ANO1: variants seen among roughly 807,000 people sequenced by gnomAD.
The protein encoded by ANO1 is anoctamin-1.
Under a neutral mutation model 124.0 loss-of-function variants are expected in ANO1, and 59 were observed. The observed-to-expected ratio is 0.48, with a 90% CI of 0.39 to 0.59. ANO1 has a LOEUF of 0.59. Ranked by LOEUF, ANO1 falls within the 20% of genes least tolerant of loss-of-function variation. The pLI is 0.00. For synonymous variants in ANO1, 529 were observed against 532.0 expected (o/e 0.99, Z 0.08); for missense variants, 1,059 against 1,328.0 (o/e 0.80, Z 3.15).
chr11:70,044,105 G>A (rs532996677), intron 1 of ANO1, among the ~76,000 whole-genome samples: 1 of 151,652 alleles, frequency 6.6e-6, no homozygotes, highest in African/African-American at 2.4e-5. Context: ...TATGTGAAGG[G>A]GTATAATATT....
At chr11:69,992,308 G>C (rs1307430487) in intron 1 of ANO1, among the ~76,000 whole-genome samples, 3 of 152,174 alleles carry the variant, frequency 2.0e-5, no homozygotes, top group Non-Finnish European at 2.9e-5. Flanking sequence ...TGGATGGATG[G>C]ATGGTAATTG....
intron 1 of ANO1, among the ~76,000 whole-genome samples, chr11:70,026,363 G>A (rs533686288): frequency 0.019 from 2,841 of 150,414 alleles, 106 homozygotes; most frequent in African/African-American, 0.066. Context: ...GGTGATGGTG[G>A]TGGTGGTGAT....
intron 1 of ANO1, among the ~76,000 whole-genome samples, chr11:70,033,571 G>A (rs1305499087): frequency 2.6e-5 from 4 of 152,118 alleles, no homozygotes; most frequent in African/African-American, 9.7e-5. Context: ...TCTCCCTGTG[G>A]CCTTATGGTT....
intron 12 of ANO1, 23 bp downstream of exon 12, chr11:70,149,815 A>G: frequency 6.2e-7 from 1 of 1,611,094 alleles, no homozygotes; most frequent in Admixed American, 1.7e-5. Context: ...GCCGCCGTGC[A>G]TATCACGCCC....
intron 1 of ANO1, among the ~76,000 whole-genome samples, chr11:70,066,345 C>G (rs1435092146): frequency 6.6e-6 from 1 of 152,116 alleles, no homozygotes; most frequent in African/African-American, 2.4e-5. Flanking sequence ...GTTTGGGGCC[C>G]ACTCTTAACA....
chr11:70,113,647 A>C (rs2135418236), intron 7 of ANO1, among the ~76,000 whole-genome samples: 1 of 152,206 alleles, frequency 6.6e-6, no homozygotes, highest in Middle Eastern at 3.4e-3. Flanking sequence ...TAAGCAGGTA[A>C]TCCCTGCTGA....
chr11:70,024,447 T>C (rs1222428741), intron 1 of ANO1, among the ~76,000 whole-genome samples: 4 of 152,150 alleles, frequency 2.6e-5, no homozygotes, highest in Admixed American at 2.0e-4. Flanking sequence ...CTAGACCTGC[T>C]TCCCCTGCAG....
intron 2 of ANO1, among the ~76,000 whole-genome samples, chr11:70,091,548 C>T (rs199782611): frequency 1.3e-5 from 2 of 152,106 alleles, no homozygotes; most frequent in East Asian, 3.9e-4. Context: ...GTTGAGAATC[C>T]CTGCACTGAA....
chr11:70,178,949 T>A (rs192673409), intron 22 of ANO1, among the ~76,000 whole-genome samples: 59 of 152,374 alleles, frequency 3.9e-4, no homozygotes, highest in Middle Eastern at 3.4e-3. Context: ...GCAAGAGATC[T>A]TGGTCTCAGA....
chr11:70,013,819 G>GAAAAGAAAAGAAAAGAA (rs1433076971), intron 1 of ANO1, among the ~76,000 whole-genome samples: 1 of 151,898 alleles, frequency 6.6e-6, no homozygotes, highest in East Asian at 1.9e-4. Context: ...GAAAAGAAAA[G>GAAAAGAAAAGAAAAGAA]AAAAGAAAAA....
At chr11:70,093,873 C>T (rs1230204085) in intron 2 of ANO1, among the ~76,000 whole-genome samples, 2 of 152,260 alleles carry the variant, frequency 1.3e-5, no homozygotes, top group African/African-American at 2.4e-5. Context: ...GCTCCGAGTG[C>T]GGGTTCAGAC....
intron 19 of ANO1, 160 bp downstream of exon 19, chr11:70,163,500 G>A (rs1179024230): frequency 1.2e-6 from 1 of 832,336 alleles, no homozygotes; most frequent in Non-Finnish European, 2.0e-6. Context: ...CTGATGTGGT[G>A]GGGTGGGCTT....
chr11:70,156,858 T>C (rs2047835087), intron 15 of ANO1, 89 bp from the exon 16 acceptor site: 21 of 1,179,582 alleles, frequency 1.8e-5, no homozygotes, highest in Middle Eastern at 2.0e-4. Flanking sequence ...CCTGGGCCCA[T>C]GCACGCACGC....
chr11:70,088,367 G>A (rs1171048971), intron 2 of ANO1, among the ~76,000 whole-genome samples: 1 of 152,030 alleles, frequency 6.6e-6, no homozygotes, highest in Non-Finnish European at 1.5e-5. Flanking sequence ...AAAATTAGCT[G>A]GGCATGGTGG....
chr11:70,145,164 A>G (rs1051357422), intron 11 of ANO1, among the ~76,000 whole-genome samples: 7 of 152,164 alleles, frequency 4.6e-5, no homozygotes, highest in African/African-American at 1.7e-4. Context: ...TCACTCCACT[A>G]GAAGGTGGTT....
intron 2 of ANO1, among the ~76,000 whole-genome samples, chr11:70,090,018 T>G (rs2044562924): frequency 6.6e-6 from 1 of 151,274 alleles, no homozygotes; most frequent in Non-Finnish European, 1.5e-5. Flanking sequence ...TTTGTTTGTT[T>G]GTTTGTTTGT....
At chr11:70,187,417 G>A (rs1268417277) in intron 25 of ANO1, among the ~76,000 whole-genome samples, 5 of 152,150 alleles carry the variant, frequency 3.3e-5, no homozygotes, top group Non-Finnish European at 7.4e-5. Context: ...TTCCCCAAAG[G>A]CTCGATGCTC....
At chr11:70,042,750 G>T (rs572336143) in intron 1 of ANO1, among the ~76,000 whole-genome samples, 12 of 152,256 alleles carry the variant, frequency 7.9e-5, no homozygotes, top group Non-Finnish European at 1.8e-4. Context: ...AGATCCACAG[G>T]GCATCACTGA....
At chr11:70,176,839 T>C (rs865908850) in intron 22 of ANO1, among the ~76,000 whole-genome samples, 22 of 152,242 alleles carry the variant, frequency 1.4e-4, no homozygotes, top group Middle Eastern at 3.4e-3. Context: ...GAGCAGTGAG[T>C]GTCACCCTGG....
Sources: gnomAD v4.1 joint callset for allele counts (sites outside exome capture counted in the v4.1 genomes callset) on GRCh38, gnomAD v4.1.1 for gene constraint, MANE v1.5 for transcripts, NCBI Gene and HGNC (gene_info 2026-07-23, HGNC 2026-07-21) for gene names.